Variants in VMP1 observed in about 807,000 individuals in gnomAD.
VMP1 encodes ectopic P-granules autophagy protein 3 homolog.
Under a neutral mutation model 56.0 loss-of-function variants are expected in VMP1, and 11 were observed. That is an observed-to-expected ratio of 0.20 (90% confidence interval 0.12 to 0.32). The LOEUF is 0.32. VMP1 is among the 10% of genes least tolerant of loss of function. VMP1 has a pLI of 1.00. For missense variants in VMP1, 296 were observed against 490.3 expected (o/e 0.60, Z 3.74); for synonymous variants, 149 against 165.0 (o/e 0.90, Z 0.74).
At chr17:59,765,431 G>A (rs2143989876) in intron 6 of VMP1, among the ~76,000 whole-genome samples, 1 of 152,314 alleles carries the variant, frequency 6.6e-6, no homozygotes, top group Middle Eastern at 3.4e-3. Context: ...CCATGTGTGG[G>A]TTAGGGGTGC....
At chr17:59,804,438 ACT>A (rs1242920465) in intron 7 of VMP1, among the ~76,000 whole-genome samples, 1 of 151,758 alleles carries the variant, frequency 6.6e-6, no homozygotes, top group East Asian at 1.9e-4. Context: ...ACACGGTGAA[ACT>A]CTATCTCTAC....
At chr17:59,836,174 A>G (rs1598468895) in intron 10 of VMP1, among the ~76,000 whole-genome samples, 1 of 147,574 alleles carries the variant, frequency 6.8e-6, no homozygotes, top group Admixed American at 6.7e-5. Flanking sequence ...GGCCTTTTGT[A>G]CCTCCTTCAG....
At chr17:59,810,119 T>A (rs2038004775) in intron 8 of VMP1, among the ~76,000 whole-genome samples, 1 of 152,182 alleles carries the variant, frequency 6.6e-6, no homozygotes, top group African/African-American at 2.4e-5. Context: ...AGCTCAGGGC[T>A]ACTCTGATTT....
In VMP1 at chr17:59,842,228, C is replaced by G. The variant is rs911452535; in HGVS notation, c.*2317C>G. 1 of 152,154 alleles carries G rather than the reference C, an allele frequency of 6.6e-6. No homozygotes were observed. The highest frequency in any genetic ancestry group is 6.5e-5 in the Admixed American group (1 of 15,272). The allele number at this position is 152,154 out of a possible 1,614,324, so 9.4% of individuals were successfully genotyped here. A position where few individuals can be genotyped will look rare whatever the true frequency, so the allele number is the denominator to read the frequency against. On this transcript the variant is annotated 3_prime_UTR_variant, in exon 12 of 12. Transcript: ENST00000262291. ...GGTATCACTGTAAATAAAAAGAGGG[C>G]CTGGGAATTCTTGCGATTCCATCTC...
intron 7 of VMP1, among the ~76,000 whole-genome samples, chr17:59,801,752 A>G (rs1386092482): frequency 6.6e-6 from 1 of 151,860 alleles, no homozygotes; most frequent in African/African-American, 2.4e-5. Flanking sequence ...AAAATTAGCC[A>G]GATGTGGTGG....
At chr17:59,788,106 C>T (rs1009646637) in intron 7 of VMP1, among the ~76,000 whole-genome samples, 4 of 151,912 alleles carry the variant, frequency 2.6e-5, no homozygotes, top group South Asian at 2.1e-4. Context: ...AATGAAAATA[C>T]GAGGTTAATG....
At chr17:59,749,570 G>T (rs1218462723) in intron 5 of VMP1, among the ~76,000 whole-genome samples, 1 of 151,788 alleles carries the variant, frequency 6.6e-6, no homozygotes, top group Non-Finnish European at 1.5e-5. Flanking sequence ...GAGTGCAGTG[G>T]TGTGATCTCA....
At chr17:59,763,246 T>G (rs1313292774) in intron 5 of VMP1, among the ~76,000 whole-genome samples, 6 of 152,136 alleles carry the variant, frequency 3.9e-5, no homozygotes, top group Admixed American at 3.3e-4. Context: ...AACTTTGGGG[T>G]TTTTTTGTAG....
intron 7 of VMP1, among the ~76,000 whole-genome samples, chr17:59,789,889 G>A (rs1217823652): frequency 8.2e-6 from 1 of 121,276 alleles, no homozygotes; most frequent in Non-Finnish European, 1.6e-5. Context: ...ACCCAGACTG[G>A]AGTGCAGTGG....
chr17:59,712,198 C>G (rs2033960046), intron 1 of VMP1, among the ~76,000 whole-genome samples: 1 of 152,142 alleles, frequency 6.6e-6, no homozygotes, highest in African/African-American at 2.4e-5. Flanking sequence ...AACTCTTTCC[C>G]AGCCCTCTTT....
chr17:59,735,177 G>A (rs2034972451), intron 2 of VMP1, among the ~76,000 whole-genome samples, 161 bp from the exon 3 acceptor site: 1 of 152,106 alleles, frequency 6.6e-6, no homozygotes, highest in Non-Finnish European at 1.5e-5. Context: ...CTCCCAAAGT[G>A]CTGAGATTAT....
chr17:59,799,304 T>G (rs1034461863), intron 7 of VMP1, among the ~76,000 whole-genome samples: 1 of 152,174 alleles, frequency 6.6e-6, no homozygotes, highest in Non-Finnish European at 1.5e-5. Flanking sequence ...CTTGCAGTAT[T>G]ATAGAGTTTT....
chr17:59,737,482 C>A lies in VMP1; in HGVS notation c.242C>A (p.Ser81Tyr). ...TGGCATCGTCAAAGCATTGTGGTGT[C>A]TTTTTTACTGCTGCTTGCTGTGCTT... ...KLWHRQSIVV[S>Y]FLLLLAVLIA... Residue 81 changes from serine to tyrosine, a missense_variant, in exon 4 of 12, where the codon TCT (serine) becomes TAT (tyrosine). Around this residue, in one of 4 missense-constraint regions of VMP1, gnomAD observed 126 missense variants for 231.6 expected, o/e 0.54. Coordinates refer to ENST00000262291, the MANE Select transcript of VMP1 (RefSeq NM_030938.5). The A allele has an allele frequency of 6.2e-7, 1 of 1,611,450 alleles. No individual in the cohort carries two copies. Among genetic ancestry groups the A allele is most frequent in the Non-Finnish European group, 8.5e-7 (1 of 1,178,924 alleles).
chr17:59,755,506 A>G (rs1053080656), intron 5 of VMP1, among the ~76,000 whole-genome samples: 1 of 152,176 alleles, frequency 6.6e-6, no homozygotes, highest in African/African-American at 2.4e-5. Context: ...TATAGAGTTC[A>G]TATTTCTTTT....
At chr17:59,734,503 C>T (rs907012256) in intron 2 of VMP1, among the ~76,000 whole-genome samples, 3 of 152,050 alleles carry the variant, frequency 2.0e-5, no homozygotes, top group Non-Finnish European at 4.4e-5. Flanking sequence ...GAGGCCAAGG[C>T]GAGCTGATCA....
chr17:59,745,221 A>T lies in VMP1; in HGVS notation c.414+6274A>T, dbSNP rs567565591. On this transcript the variant is annotated intron_variant, in intron 5 of 11. Transcript: ENST00000262291. ...TTGTGTTGTTTGTTATTACGTCATA[A>T]TCTAACCTATCCTGACTGATAGGCA... Among the ~76,000 whole-genome samples the T allele has an allele frequency of 3.3e-5, 5 of 152,316 alleles. No individual in the cohort carries two copies. The East Asian group carries it at 9.7e-4, about 29-fold the overall frequency.
intron 5 of VMP1, 128 bp downstream of exon 5, chr17:59,739,075 T>C: frequency 1.5e-6 from 1 of 652,144 alleles, no homozygotes; most frequent in Non-Finnish European, 2.4e-6. Flanking sequence ...ATTCTGATCC[T>C]CCAATCAGTG....
chr17:59,802,498 TA>T (rs2037707555), intron 7 of VMP1, among the ~76,000 whole-genome samples: 1 of 152,222 alleles, frequency 6.6e-6, no homozygotes, highest in South Asian at 2.1e-4. Flanking sequence ...GCAGGTAATT[TA>T]AACTTCCATA....
chr17:59,791,960 A>G (rs1211743150), intron 7 of VMP1, among the ~76,000 whole-genome samples: 2 of 152,054 alleles, frequency 1.3e-5, no homozygotes, highest in Admixed American at 6.6e-5. Context: ...TTCCAGGGCC[A>G]TTTATAAATT....
Sources: allele counts gnomAD v4.1 joint callset (sites outside exome capture counted in the v4.1 genomes callset), GRCh38; gene constraint gnomAD v4.1.1; regional missense constraint gnomAD v4.1.1; transcripts MANE v1.5; gene names NCBI Gene and HGNC (gene_info 2026-07-23, HGNC 2026-07-21).